The following ELOVL6 variants were observed in gnomAD, a reference collection of about 807,000 sequenced individuals.
ELOVL6 encodes the protein ELOVL fatty acid elongase 6, also known as very long chain fatty acid elongase 6.
ELOVL6 carries 8 observed loss-of-function variants against 31.7 expected under a neutral mutation model. That is an observed-to-expected ratio of 0.25 (90% confidence interval 0.15 to 0.45). The LOEUF (loss-of-function observed/expected upper bound fraction) is 0.45, where lower values mean the gene tolerates loss of function less well. ELOVL6 is among the 20% of genes least tolerant of loss of function. ELOVL6 has a pLI of 1.00. For synonymous variants in ELOVL6, 101 were observed against 117.7 expected, an observed-to-expected ratio of 0.86 and a Z score of 0.92; for missense variants, 126 against 326.4, an observed-to-expected ratio of 0.39 and a Z score of 4.73.
At chr4:110,084,074 T>C (rs544290521) in intron 2 of ELOVL6, among the ~76,000 whole-genome samples, 5 of 107,494 alleles carry the variant, frequency 4.7e-5, no homozygotes, top group African/African-American at 1.5e-4. Context: ...AACATATATA[T>C]GCTATATATG....
At position 110,048,629 on chromosome 4, in the gene ELOVL6, G is replaced by T. The variant is rs1015064451; in HGVS notation, c.*2709C>A. 6.6e-6 allele frequency: 1 copy of T among 152,110 alleles called. No individual in the cohort carries two copies. The highest frequency in any genetic ancestry group is 1.5e-5 in the Non-Finnish European group (1 of 68,020). 9.4% of individuals were successfully genotyped at this position (152,110 alleles called of 1,614,324 possible). A position where few individuals can be genotyped will look rare whatever the true frequency, so the allele number is the denominator to read the frequency against. Reference sequence around the variant, plus strand: ...GGCCAGTGATCCAGCCTCATATCTTGATATGATTAAAGCGGCTAAGCTGAG... The same window carrying T: ...GGCCAGTGATCCAGCCTCATATCTTTATATGATTAAAGCGGCTAAGCTGAG... On this transcript the variant is annotated 3_prime_UTR_variant, in exon 4 of 4. Transcript: ENST00000302274.
chr4:110,092,463 T>C (rs1311004213), intron 2 of ELOVL6, among the ~76,000 whole-genome samples: 2 of 152,188 alleles, frequency 1.3e-5, no homozygotes, highest in Non-Finnish European at 2.9e-5. Context: ...TTCTCTTTAA[T>C]GAACACTAAT....
chr4:110,131,133 T>C (rs1308434389), intron 1 of ELOVL6, among the ~76,000 whole-genome samples: 1 of 152,222 alleles, frequency 6.6e-6, no homozygotes, highest in Non-Finnish European at 1.5e-5. Context: ...ACCTAGGAAA[T>C]ATCTGTTGCG....
chr4:110,137,014 C>T (rs1757831340), intron 1 of ELOVL6, among the ~76,000 whole-genome samples: 1 of 152,008 alleles, frequency 6.6e-6, no homozygotes, highest in Non-Finnish European at 1.5e-5. Context: ...GGTAATACTA[C>T]CAAACATATA....
intron 2 of ELOVL6, among the ~76,000 whole-genome samples, chr4:110,067,172 A>C (rs893925060): frequency 2.0e-5 from 3 of 152,190 alleles, no homozygotes; most frequent in Admixed American, 1.3e-4. Context: ...TCTACTACTT[A>C]ACACTTCAGA....
chr4:110,089,628 A>G (rs1253937934), intron 2 of ELOVL6, among the ~76,000 whole-genome samples: 1 of 152,230 alleles, frequency 6.6e-6, no homozygotes, highest in Non-Finnish European at 1.5e-5. Flanking sequence ...GCTATTTTTG[A>G]GATGCAGGCA....
chr4:110,183,489 T>A (rs1011253003), intron 1 of ELOVL6, among the ~76,000 whole-genome samples: 3 of 152,234 alleles, frequency 2.0e-5, no homozygotes, highest in Non-Finnish European at 4.4e-5. Flanking sequence ...CTTGAGACTA[T>A]ACCTCAGGCC....
chr4:110,137,904 C>T (rs925441893), intron 1 of ELOVL6, among the ~76,000 whole-genome samples: 4 of 152,214 alleles, frequency 2.6e-5, no homozygotes, highest in African/African-American at 2.4e-5. Flanking sequence ...GTAGCACCTA[C>T]ATCATTCTTC....
At position 110,104,858 on chromosome 4, in the gene ELOVL6, G is replaced by T. The variant is rs114563637; in HGVS notation, c.221+639C>A. ...CTCCTGAAAGCTTCTGGAGGAATGAGTCTGCACACCAGCTGACAGATGCCC... is the reference window on the plus strand; with the variant it reads ...CTCCTGAAAGCTTCTGGAGGAATGATTCTGCACACCAGCTGACAGATGCCC... On this transcript the variant is annotated intron_variant, in intron 2 of 3. Transcript: ENST00000302274. Among the ~76,000 whole-genome samples, 780 of 152,310 alleles carry T rather than the reference G, an allele frequency of 5.1e-3. 4 individuals carry two copies. Among genetic ancestry groups the T allele is most frequent in the Middle Eastern group, 0.031 (9 of 294 alleles).
intron 1 of ELOVL6, among the ~76,000 whole-genome samples, chr4:110,158,657 A>ATATATATATATATATTT: frequency 1.1e-4 from 8 of 74,154 alleles, no homozygotes; most frequent in African/African-American, 6.6e-4. Context: ...ATATATATAT[A>ATATATATATATATATTT]TTTTTTTTTT....
intron 2 of ELOVL6, among the ~76,000 whole-genome samples, chr4:110,094,417 ATATATATATATATATATATATATATAAT>A (rs1398002169): frequency 9.6e-5 from 5 of 51,954 alleles, no homozygotes; most frequent in South Asian, 8.8e-4. Context: ...ATATATATAT[ATATATATATATATATATATATATATAAT>A]ATATATAACA....
chr4:110,128,868 T>C (rs149938698), intron 1 of ELOVL6, among the ~76,000 whole-genome samples: 92 of 152,310 alleles, frequency 6.0e-4, no homozygotes, highest in African/African-American at 2.1e-3. Flanking sequence ...ACAGAACTTG[T>C]AAAGGAAACT....
intron 1 of ELOVL6, among the ~76,000 whole-genome samples, chr4:110,183,394 T>A (rs1396156173): frequency 6.6e-6 from 1 of 152,180 alleles, no homozygotes; most frequent in Non-Finnish European, 1.5e-5. Flanking sequence ...ATACCTCACA[T>A]GTATTGACTG....
At chr4:110,082,693 A>T (rs11098068) in intron 2 of ELOVL6, among the ~76,000 whole-genome samples, 1 of 150,970 alleles carries the variant, frequency 6.6e-6, no homozygotes, top group Admixed American at 6.6e-5. Flanking sequence ...ATGTATACAT[A>T]TGTAACAAAC....
At chr4:110,076,249 A>G (rs1755624765) in intron 2 of ELOVL6, among the ~76,000 whole-genome samples, 1 of 152,256 alleles carries the variant, frequency 6.6e-6, no homozygotes, top group Admixed American at 6.5e-5. Context: ...GAAAAGAGAT[A>G]AACATTAGTG....
intron 3 of ELOVL6, among the ~76,000 whole-genome samples, chr4:110,055,000 T>C (rs75512586): frequency 0.03 from 4,606 of 152,246 alleles, 243 homozygotes; most frequent in African/African-American, 0.1. Flanking sequence ...AGCTGATCAG[T>C]AGCACCATTC....
intron 1 of ELOVL6, among the ~76,000 whole-genome samples, chr4:110,118,647 C>T (rs1213029962): frequency 6.6e-6 from 1 of 152,090 alleles, no homozygotes; most frequent in African/African-American, 2.4e-5. Flanking sequence ...GATCTGTTTA[C>T]GGGCACCTAG....
intron 2 of ELOVL6, among the ~76,000 whole-genome samples, chr4:110,099,080 G>A (rs753969930): frequency 2.6e-5 from 4 of 152,156 alleles, no homozygotes; most frequent in African/African-American, 4.8e-5. Context: ...GTTAAGAACT[G>A]TCATGTTTTT....
chr4:110,124,304 C>A (rs1757433981), intron 1 of ELOVL6, among the ~76,000 whole-genome samples: 1 of 152,110 alleles, frequency 6.6e-6, no homozygotes, highest in African/African-American at 2.4e-5. Flanking sequence ...TGAAACCAAC[C>A]CAAATGCCCA....
Sources: allele counts gnomAD v4.1 joint callset (sites outside exome capture counted in the v4.1 genomes callset), GRCh38; gene constraint gnomAD v4.1.1; transcripts MANE v1.5; gene names NCBI Gene and HGNC (gene_info 2026-07-23, HGNC 2026-07-21).